ZFP90: variants seen among roughly 807,000 people sequenced by gnomAD.
The protein encoded by ZFP90 is ZFP90 zinc finger protein.
A neutral mutation model predicts 60.8 loss-of-function variants in ZFP90; 38 were observed. The observed-to-expected ratio is 0.62, with a 90% CI of 0.48 to 0.82. The LOEUF (loss-of-function observed/expected upper bound fraction) is 0.82, where lower values mean the gene tolerates loss of function less well. Among genes scored for constraint, ZFP90 ranks in the 40% least tolerant of loss-of-function variants. The pLI is 0.00. For missense variants in ZFP90, 711 were observed against 759.1 expected (o/e 0.94, Z 0.74); for synonymous variants, 287 against 264.8 (o/e 1.08, Z -0.82).
intron 2 of ZFP90, among the ~76,000 whole-genome samples, chr16:68,543,566 CTTTTTTTTTTTTT>C (rs2067731351): frequency 7.5e-6 from 1 of 133,448 alleles, no homozygotes; most frequent in East Asian, 2.1e-4. Context: ...GCCTTTTTTT[CTTTTTTTTTTTTT>C]GAGACAGAGT....
At chr16:68,544,800 G>C (rs900039908) in intron 2 of ZFP90, among the ~76,000 whole-genome samples, 2 of 149,170 alleles carry the variant, frequency 1.3e-5, no homozygotes, top group Non-Finnish European at 1.5e-5. Flanking sequence ...TCTCAGCTGA[G>C]ATTGCACCTT....
chr16:68,534,324 G>A (rs547933401), upstream of ZFP90, among the ~76,000 whole-genome samples: 2 of 149,790 alleles, frequency 1.3e-5, no homozygotes, highest in Non-Finnish European at 3.0e-5. Context: ...TGCCTCCTGG[G>A]TTCAAGTGAT....
At position 68,565,639 on chromosome 16, in the gene ZFP90, A is replaced by G; in HGVS notation, c.*941A>G. ...TTGTACTTTTTATGGCATGCCCATG[A>G]AAAAGCACTTTCTTAAGCCTACAGT... On this transcript the variant is annotated 3_prime_UTR_variant, in exon 5 of 5. Transcript: ENST00000563169. The G allele has an allele frequency of 2.0e-6, 2 of 985,598 alleles. No homozygotes were observed. Among genetic ancestry groups the G allele is most frequent in the Non-Finnish European group, 1.2e-6 (1 of 829,940 alleles). 61.1% of individuals were successfully genotyped at this position (985,598 alleles called of 1,614,324 possible). A position where few individuals can be genotyped will look rare whatever the true frequency, so the allele number is the denominator to read the frequency against.
intron 2 of ZFP90, among the ~76,000 whole-genome samples, chr16:68,556,151 G>C (rs893281364): frequency 6.6e-6 from 1 of 152,130 alleles, no homozygotes; most frequent in Non-Finnish European, 1.5e-5. Context: ...AGCTGGGTGA[G>C]AGAGTGAGAT....
chr16:68,560,734 T>A (rs1426049337), intron 4 of ZFP90, among the ~76,000 whole-genome samples: 1 of 151,652 alleles, frequency 6.6e-6, no homozygotes, highest in Non-Finnish European at 1.5e-5. Flanking sequence ...TTTTTGTATT[T>A]TTAGTAGAGA....
chr16:68,567,264 C>A, downstream of ZFP90: 1 of 656,020 alleles, frequency 1.5e-6, no homozygotes, highest in South Asian at 6.8e-5. Flanking sequence ...TGAATGCTTA[C>A]TACTTTAAAG....
chr16:68,557,268 CCT>C (rs1567405512), intron 2 of ZFP90: 1 of 455,994 alleles, frequency 2.2e-6, no homozygotes, highest in African/African-American at 2.0e-5. Context: ...CCGGCCTTGA[CCT>C]CTCAAAGTGT....
chr16:68,565,866 T>C lies in ZFP90; in HGVS notation c.*1168T>C. On this transcript the variant is annotated 3_prime_UTR_variant, in exon 5 of 5. Coordinates refer to ENST00000563169, the MANE Select transcript of ZFP90 (RefSeq NM_001305203.2). ...TTGGCTAGGTATGGTGTCTCACACCTGTAATCCCAGCACTTTGGGTGGCTA... is the reference window on the plus strand; with the variant it reads ...TTGGCTAGGTATGGTGTCTCACACCCGTAATCCCAGCACTTTGGGTGGCTA... 5 of 984,076 alleles carry C rather than the reference T, an allele frequency of 5.1e-6. No individual in the cohort carries two copies. Among genetic ancestry groups the C allele is most frequent in the Non-Finnish European group, 6.0e-6 (5 of 828,788 alleles). 61.0% of individuals were successfully genotyped at this position (984,076 alleles called of 1,614,324 possible).
chr16:68,537,058 T>C (rs72794393), upstream of ZFP90, among the ~76,000 whole-genome samples: 20,001 of 152,062 alleles, frequency 0.13, 1,449 homozygotes, highest in Middle Eastern at 0.17. Context: ...TCTGACAGCT[T>C]TTGCACCTTC....
chr16:68,536,714 T>A (rs1283242337), upstream of ZFP90, among the ~76,000 whole-genome samples: 1 of 152,216 alleles, frequency 6.6e-6, no homozygotes, highest in Non-Finnish European at 1.5e-5. Flanking sequence ...CAGCTTCCTT[T>A]GATAAGACCT....
At chr16:68,544,104 T>C (rs532217131) in intron 2 of ZFP90, among the ~76,000 whole-genome samples, 1 of 152,348 alleles carries the variant, frequency 6.6e-6, no homozygotes, top group East Asian at 1.9e-4. Flanking sequence ...TCCACCCACC[T>C]TGGCCTCCCA....
At chr16:68,561,300 C>G (rs2091436351) in intron 4 of ZFP90, among the ~76,000 whole-genome samples, 1 of 152,300 alleles carries the variant, frequency 6.6e-6, no homozygotes, top group Admixed American at 6.5e-5. Context: ...TATCGTACTT[C>G]CAGTATTATC....
upstream of ZFP90, among the ~76,000 whole-genome samples, chr16:68,534,874 T>C (rs1390110880): frequency 6.6e-6 from 1 of 152,042 alleles, no homozygotes; most frequent in African/African-American, 2.4e-5. Flanking sequence ...GCCACTGTAC[T>C]CCAGCCTGGG....
At chr16:68,559,414 A>G (rs1013578179) in intron 4 of ZFP90, among the ~76,000 whole-genome samples, 4 of 152,106 alleles carry the variant, frequency 2.6e-5, no homozygotes, top group African/African-American at 4.8e-5. Flanking sequence ...TTAGAATCCA[A>G]AGGATTTTTA....
chr16:68,536,766 G>A (rs2090963661), upstream of ZFP90, among the ~76,000 whole-genome samples: 1 of 152,176 alleles, frequency 6.6e-6, no homozygotes, highest in South Asian at 2.1e-4. Flanking sequence ...TCCTTAGAAT[G>A]CAGAACTTAA....
At chr16:68,546,223 G>T (rs1159577500) in intron 2 of ZFP90, among the ~76,000 whole-genome samples, 1 of 152,082 alleles carries the variant, frequency 6.6e-6, no homozygotes, top group Non-Finnish European at 1.5e-5. Context: ...TAATATTAGA[G>T]ACTTTTTACC....
downstream of ZFP90, chr16:68,576,126 CTCCTCAGTA>C: frequency 4.4e-6 from 1 of 227,946 alleles, no homozygotes; most frequent in Middle Eastern, 1.4e-3. Context: ...TTCTCCCCAG[CTCCTCAGTA>C]TCCCTGAAAA....
chr16:68,552,148 C>T (rs2091273573), intron 2 of ZFP90, among the ~76,000 whole-genome samples: 1 of 152,188 alleles, frequency 6.6e-6, no homozygotes, highest in Non-Finnish European at 1.5e-5. Context: ...GTTACTGGAT[C>T]ATTTATTAGG....
At position 68,564,709 on chromosome 16, in the gene ZFP90, A is replaced by G. The variant is rs371021185; in HGVS notation, c.*11A>G. On this transcript the variant is annotated 3_prime_UTR_variant, in exon 5 of 5. Coordinates refer to ENST00000563169, the MANE Select transcript of ZFP90 (RefSeq NM_001305203.2). ...CGAAATAAACTCTAGGAACCGTGAA[A>G]TTAAGGAATTTGCAGAATGCTTTAG... The G allele has an allele frequency of 2.5e-6, 4 of 1,581,868 alleles. No homozygotes were observed. Among genetic ancestry groups the G allele is most frequent in the African/African-American group, 2.7e-5 (2 of 73,028 alleles).
Sources: gnomAD v4.1 joint callset for allele counts (sites outside exome capture counted in the v4.1 genomes callset) on GRCh38, gnomAD v4.1.1 for gene constraint, MANE v1.5 for transcripts, NCBI Gene and HGNC (gene_info 2026-07-23, HGNC 2026-07-21) for gene names.